The following CFAP299 variants were observed in gnomAD, a reference collection of about 807,000 sequenced individuals.
CFAP299 encodes the protein cilia and flagella associated protein 299, also known as cilia- and flagella-associated protein 299.
In CFAP299, 21 loss-of-function variants were observed where a neutral mutation model predicts 27.0. The ratio of observed to expected loss-of-function variants is 0.78; its 90% CI spans 0.55 to 1.12. CFAP299 has a LOEUF of 1.12. Ranked by LOEUF, CFAP299 falls within the 50% of genes most tolerant of loss-of-function variation. CFAP299 has a pLI of 0.00. For missense variants in CFAP299, 310 were observed against 276.6 expected, an observed-to-expected ratio of 1.12 and a Z score of -0.86; for synonymous variants, 104 against 98.1, an observed-to-expected ratio of 1.06 and a Z score of -0.36.
At chr4:80,882,518 G>A (rs551671562) in intron 4 of CFAP299, among the ~76,000 whole-genome samples, 1 of 152,100 alleles carries the variant, frequency 6.6e-6, no homozygotes, top group Admixed American at 6.5e-5. Context: ...GGCGCCTGTA[G>A]TCCCAGCTAC....
intron 2 of CFAP299, among the ~76,000 whole-genome samples, chr4:80,563,430 A>G (rs1735134565): frequency 6.6e-6 from 1 of 152,152 alleles, no homozygotes; most frequent in Admixed American, 6.6e-5. Flanking sequence ...AAATTAAATG[A>G]TATGCTCCTG....
At chr4:80,928,755 G>T (rs1452703628) in intron 4 of CFAP299, among the ~76,000 whole-genome samples, 1 of 152,018 alleles carries the variant, frequency 6.6e-6, no homozygotes, top group Non-Finnish European at 1.5e-5. Flanking sequence ...TAAGATAAAT[G>T]TACACTAGTC....
chr4:80,775,983 G>C (rs1183894179), intron 3 of CFAP299, among the ~76,000 whole-genome samples: 1 of 152,120 alleles, frequency 6.6e-6, no homozygotes, highest in Non-Finnish European at 1.5e-5. Flanking sequence ...AGCAGATGAT[G>C]GTTCTGGCTC....
chr4:80,809,110 G>A (rs888517210), intron 3 of CFAP299, among the ~76,000 whole-genome samples: 1 of 152,080 alleles, frequency 6.6e-6, no homozygotes, highest in Non-Finnish European at 1.5e-5. Flanking sequence ...AAATAAAAAA[G>A]CCAACAAACT....
At chr4:80,380,421 C>CTTTTTTT (rs1560538174) in intron 2 of CFAP299, among the ~76,000 whole-genome samples, 5 of 109,068 alleles carry the variant, frequency 4.6e-5, no homozygotes, top group South Asian at 2.9e-4. Context: ...TTGTGTCTCA[C>CTTTTTTT]ATTTTTTTTT....
intron 2 of CFAP299, among the ~76,000 whole-genome samples, chr4:80,390,711 GTA>G (rs377169148): frequency 9.4e-5 from 11 of 117,090 alleles, no homozygotes; most frequent in African/African-American, 3.1e-4. Context: ...ATGTATATAT[GTA>G]TACACACATA....
chr4:80,703,450 T>C (rs1721634211), intron 3 of CFAP299, among the ~76,000 whole-genome samples: 1 of 151,690 alleles, frequency 6.6e-6, no homozygotes, highest in Admixed American at 6.6e-5. Context: ...AGGGCTGCTT[T>C]AAAGGCAGAA....
At chr4:80,463,907 A>G (rs1400227771) in intron 2 of CFAP299, among the ~76,000 whole-genome samples, 1 of 152,160 alleles carries the variant, frequency 6.6e-6, no homozygotes, top group Non-Finnish European at 1.5e-5. Flanking sequence ...ACAAACGTTC[A>G]AGCTCTGCCA....
intron 2 of CFAP299, among the ~76,000 whole-genome samples, chr4:80,571,796 C>T (rs559238477): frequency 5.9e-5 from 9 of 152,180 alleles, no homozygotes; most frequent in South Asian, 4.1e-4. Context: ...GCAATCTGAA[C>T]GCCAGAAAGA....
intron 5 of CFAP299, among the ~76,000 whole-genome samples, chr4:80,952,171 G>T (rs1000976212): frequency 1.3e-5 from 2 of 152,096 alleles, no homozygotes; most frequent in African/African-American, 4.8e-5. Context: ...ACATTTTGCC[G>T]TTGTATTACC....
chr4:80,904,685 A>G, intron 4 of CFAP299, among the ~76,000 whole-genome samples: 1 of 152,186 alleles, frequency 6.6e-6, no homozygotes, highest in East Asian at 1.9e-4. Context: ...TTCAAGGAAG[A>G]CAATCCTTGG....
chr4:80,913,532 T>C (rs1735585206), intron 4 of CFAP299, among the ~76,000 whole-genome samples: 1 of 152,164 alleles, frequency 6.6e-6, no homozygotes, highest in Non-Finnish European at 1.5e-5. Flanking sequence ...AGGCAGGTGC[T>C]AAGCATCCAG....
intron 2 of CFAP299, among the ~76,000 whole-genome samples, chr4:80,444,309 T>C (rs973139828): frequency 3.9e-5 from 6 of 152,194 alleles, no homozygotes; most frequent in African/African-American, 1.4e-4. Context: ...TAAGACAGCA[T>C]GGTACTGGTA....
At chr4:80,946,113 T>TAA (rs1737462053) in intron 5 of CFAP299, among the ~76,000 whole-genome samples, 11 of 142,880 alleles carry the variant, frequency 7.7e-5, no homozygotes, top group African/African-American at 2.1e-4. Flanking sequence ...AAAAAAAAAA[T>TAA]GCTAAATAAC....
At chr4:80,534,554 C>G (rs936260160) in intron 2 of CFAP299, among the ~76,000 whole-genome samples, 3 of 151,854 alleles carry the variant, frequency 2.0e-5, no homozygotes, top group African/African-American at 7.2e-5. Flanking sequence ...ACTTTTGTTT[C>G]ATTTATGTAC....
intron 3 of CFAP299, among the ~76,000 whole-genome samples, chr4:80,618,557 T>C (rs1014335900): frequency 2.0e-5 from 3 of 152,046 alleles, no homozygotes; most frequent in African/African-American, 7.2e-5. Flanking sequence ...GGTAAAGTAA[T>C]ATGAAGTAAA....
At chr4:80,343,175 G>A (rs996399192) in intron 1 of CFAP299, among the ~76,000 whole-genome samples, 1 of 152,136 alleles carries the variant, frequency 6.6e-6, no homozygotes, top group Middle Eastern at 3.2e-3. Context: ...GATTCATAAA[G>A]CAAGTTCTTA....
At chr4:80,338,417 C>G (rs1333647293) in intron 1 of CFAP299, among the ~76,000 whole-genome samples, 1 of 152,042 alleles carries the variant, frequency 6.6e-6, no homozygotes, top group Non-Finnish European at 1.5e-5. Flanking sequence ...AAATTGTAAA[C>G]TGTAAATTAG....
At chr4:80,450,988 A>G (rs1052566018) in intron 2 of CFAP299, among the ~76,000 whole-genome samples, 2 of 151,894 alleles carry the variant, frequency 1.3e-5, no homozygotes, top group African/African-American at 2.4e-5. Flanking sequence ...TGTAGGTAGC[A>G]GCCATCCAGC....
Sources: gnomAD v4.1 joint callset for allele counts (sites outside exome capture counted in the v4.1 genomes callset) on GRCh38, gnomAD v4.1.1 for gene constraint, MANE v1.5 for transcripts, NCBI Gene and HGNC (gene_info 2026-07-23, HGNC 2026-07-21) for gene names.